The following SRSF11 variants were observed in gnomAD, a reference collection of about 807,000 sequenced individuals.
SRSF11 encodes serine/arginine-rich splicing factor 11.
SRSF11 carries 9 observed loss-of-function variants against 56.0 expected under a neutral mutation model. That is an observed-to-expected ratio of 0.16 (90% confidence interval 0.10 to 0.28). The LOEUF is 0.28. Among genes scored for constraint, SRSF11 ranks in the 10% least tolerant of loss-of-function variants. SRSF11 has a pLI of 1.00. For missense variants in SRSF11, 421 were observed against 600.7 expected, an observed-to-expected ratio of 0.70 and a Z score of 3.13; for synonymous variants, 222 against 215.3, an observed-to-expected ratio of 1.03 and a Z score of -0.27.
At chr1:70,250,321 TA>T in intron 10 of SRSF11, 43 bp from the exon 11 acceptor site, 1 of 1,599,160 alleles carries the variant, frequency 6.3e-7, no homozygotes, top group Non-Finnish European at 8.5e-7. Context: ...GCTCATCATC[TA>T]AACAAGTTAA....
At chr1:70,230,668 T>C in intron 2 of SRSF11, 2 of 1,253,266 alleles carry the variant, frequency 1.6e-6, no homozygotes, top group Non-Finnish European at 2.0e-6. Flanking sequence ...TTTTAAATAG[T>C]CTTTTTTTAA....
intron 1 of SRSF11, among the ~76,000 whole-genome samples, chr1:70,209,818 C>G (rs1044991623): frequency 4.3e-5 from 5 of 116,938 alleles, no homozygotes; most frequent in African/African-American, 1.6e-4. Context: ...AGGCTGTTCT[C>G]AAACTCCTGG....
chr1:70,231,478 A>G (rs1408450943), intron 2 of SRSF11: 1 of 1,059,230 alleles, frequency 9.4e-7, no homozygotes, highest in Non-Finnish European at 1.1e-6. Flanking sequence ...AGTTTGGCTA[A>G]GTTAGCTTTT....
At chr1:70,207,514 CA>C in intron 1 of SRSF11, among the ~76,000 whole-genome samples, 1 of 151,892 alleles carries the variant, frequency 6.6e-6, no homozygotes, top group Non-Finnish European at 1.5e-5. Flanking sequence ...TCATAATTCC[CA>C]ACTTGCTTTT....
In SRSF11 at chr1:70,251,029, C is replaced by T. The variant is rs1677876168; in HGVS notation, c.*224C>T. On this transcript the variant is annotated 3_prime_UTR_variant, in exon 12 of 12. Coordinates refer to ENST00000370949, the MANE Select transcript of SRSF11 (RefSeq NM_001350605.2). ...TCATGGTGAAATCTGATTGAGTAAC[C>T]AAGCAGTTTTACTATTCTGGTGCTG... 1 of 474,048 alleles carries T rather than the reference C, an allele frequency of 2.1e-6. No homozygotes were observed. The highest frequency in any genetic ancestry group is 3.8e-6 in the Non-Finnish European group (1 of 266,200). 29.4% of individuals were successfully genotyped at this position (474,048 alleles called of 1,614,324 possible). A position where few individuals can be genotyped will look rare whatever the true frequency, so the allele number is the denominator to read the frequency against.
At chr1:70,238,593 G>C (rs558503798) in intron 6 of SRSF11, among the ~76,000 whole-genome samples, 1 of 152,154 alleles carries the variant, frequency 6.6e-6, no homozygotes, top group Non-Finnish European at 1.5e-5. Flanking sequence ...TTGAAAATTG[G>C]TAGGGAAGAG....
chr1:70,246,400 A>G (rs1269999690), intron 8 of SRSF11, among the ~76,000 whole-genome samples: 1 of 152,142 alleles, frequency 6.6e-6, no homozygotes, highest in Admixed American at 6.5e-5. Context: ...TGTGTCTTGG[A>G]AGAATATTCA....
intron 2 of SRSF11, chr1:70,230,528 TTTTC>T (rs1225694261): frequency 7.9e-7 from 1 of 1,259,624 alleles, no homozygotes; most frequent in Non-Finnish European, 1.0e-6. Flanking sequence ...GTCTGTTTCT[TTTTC>T]TTTCATTTCT....
At position 70,244,778 on chromosome 1, in the gene SRSF11, G is replaced by A. The variant is rs1239518092; in HGVS notation, c.895G>A (p.Glu299Lys). ...SPRRRRSHSR[E>K]RGRRSRSTSK... is the part of the protein sequence containing the mutation. ...AAGGCGGAGAAGATCTCATTCCAGA[G>A]AAAGAGGTAGAAGGTCAAGGAGCAC... The change falls in exon 8 of 12, where the codon GAA (glutamate) becomes AAA (lysine). Residue 299 changes from glutamate (E) to lysine (K), a missense_variant. Transcript: ENST00000370949. The A allele has an allele frequency of 1.2e-6, 2 of 1,614,064 alleles. No homozygotes were observed. The highest frequency in any genetic ancestry group is 1.7e-6 in the Non-Finnish European group (2 of 1,180,042).
rs1038371973 is a variant in SRSF11 at position 70,252,454 on chromosome 1, G to A, written c.*1649G>A. 1.3e-5 allele frequency: 2 copies of A among 151,980 alleles called. No individual in the cohort carries two copies. The highest frequency in any genetic ancestry group is 4.8e-5 in the African/African-American group (2 of 41,370). The allele number at this position is 151,980 out of a possible 1,614,324, so 9.4% of individuals were successfully genotyped here. A position where few individuals can be genotyped will look rare whatever the true frequency, so the allele number is the denominator to read the frequency against. On this transcript the variant is annotated 3_prime_UTR_variant, in exon 12 of 12. Coordinates refer to ENST00000370949, the MANE Select transcript of SRSF11 (RefSeq NM_001350605.2). ...AGGGAAAATGAGACTTGGAATTGTA[G>A]CTTTTATCCAAGTTTTGAGTATAAA... is the stretch of plus-strand genomic sequence containing the variant.
intron 3 of SRSF11, among the ~76,000 whole-genome samples, chr1:70,232,917 G>A (rs551798913): frequency 1.3e-5 from 2 of 152,274 alleles, no homozygotes; most frequent in South Asian, 2.1e-4. Context: ...GAACTAAAAG[G>A]CACTTTAAAT....
chr1:70,237,337 A>G, intron 5 of SRSF11, 88 bp from the exon 6 acceptor site: 1 of 1,532,948 alleles, frequency 6.5e-7, no homozygotes, highest in East Asian at 2.4e-5. Context: ...ATATTTTGCT[A>G]AAATAATGTT....
chr1:70,211,024 A>T (rs1176242175), intron 1 of SRSF11, among the ~76,000 whole-genome samples: 2 of 152,226 alleles, frequency 1.3e-5, no homozygotes, highest in Admixed American at 6.5e-5. Context: ...TCGGTTCTTA[A>T]ATCAGCTGGA....
At chr1:70,229,066 C>G (rs1672399977) in intron 2 of SRSF11, 1 of 1,096,168 alleles carries the variant, frequency 9.1e-7, no homozygotes, top group Admixed American at 4.8e-5. Context: ...CGTGAAAGTT[C>G]AAGATTTCCT....
chr1:70,250,510 T>C lies in SRSF11; in HGVS notation c.1257+7T>C. ...GAGTGATAAAGATGTAAAAGTATGT[T>C]TACAAATTGATTTATTTTTATATTT... On this transcript the variant is annotated splice_region_variant and intron_variant, in intron 11 of 11. Coordinates refer to ENST00000370949, the MANE Select transcript of SRSF11 (RefSeq NM_001350605.2). 1 of 1,606,412 alleles carries C rather than the reference T, an allele frequency of 6.2e-7. No individual in the cohort carries two copies. Among genetic ancestry groups the C allele is most frequent in the Non-Finnish European group, 8.5e-7 (1 of 1,175,716 alleles).
chr1:70,232,702 A>C (rs1480011001), intron 3 of SRSF11, among the ~76,000 whole-genome samples: 1 of 152,220 alleles, frequency 6.6e-6, no homozygotes, highest in Non-Finnish European at 1.5e-5. Context: ...CAGGAAAGAA[A>C]ACTGAAGTTA....
chr1:70,235,317 G>A (rs548982198), intron 4 of SRSF11, among the ~76,000 whole-genome samples, 184 bp from the exon 5 acceptor site: 106 of 151,788 alleles, frequency 7.0e-4, no homozygotes, highest in South Asian at 2.1e-3. Context: ...TGATGTCACC[G>A]GTTTTTGTTT....
chr1:70,208,325 GGT>G lies in SRSF11; in HGVS notation c.-26+2567_-26+2568del, dbSNP rs112343589. The stretch of plus-strand genomic sequence containing the variant: ...TACTAGTTACTGTAATACAGTGTAT[GGT>G]GTGTGTGTGTGTGTGTGTGTGAGTG... On this transcript the variant is annotated intron_variant, in intron 1 of 12. Transcript: ENST00000370950. Among the ~76,000 whole-genome samples, 307 of 148,296 alleles carry G rather than the reference GGT, an allele frequency of 2.1e-3. 3 individuals are homozygous for G. The highest frequency in any genetic ancestry group is 3.2e-3 in the Non-Finnish European group (215 of 66,650).
chr1:70,243,984 A>G lies in SRSF11; in HGVS notation c.801-700A>G, dbSNP rs932552307. ...CCTGGAAGAGCCAGGTCAGGACACA[A>G]TGGATGGGGGCTCGGTGCAGGGAGT... On this transcript the variant is annotated intron_variant, in intron 7 of 11. Coordinates refer to ENST00000370949, the MANE Select transcript of SRSF11 (RefSeq NM_001350605.2). 2.6e-5 allele frequency among the ~76,000 whole-genome samples: 4 copies of G among 152,180 alleles called. 1 individual carries two copies. The South Asian group carries it at 6.2e-4, about 24-fold the overall frequency.
Sources: gnomAD v4.1 joint callset for allele counts (sites outside exome capture counted in the v4.1 genomes callset) on GRCh38, gnomAD v4.1.1 for gene constraint, MANE v1.5 for transcripts, NCBI Gene and HGNC (gene_info 2026-07-23, HGNC 2026-07-21) for gene names.